The following EEF2K variants were observed in gnomAD, a reference collection of about 807,000 sequenced individuals.
EEF2K encodes the protein eukaryotic elongation factor 2 kinase.
In EEF2K, 70 loss-of-function variants were observed where a neutral mutation model predicts 93.8. The ratio of observed to expected loss-of-function variants is 0.75; its 90% CI spans 0.62 to 0.91. EEF2K has a LOEUF of 0.91. EEF2K is among the 40% of genes least tolerant of loss of function. The pLI, the probability that EEF2K is intolerant of heterozygous loss-of-function variation, is 0.00. For synonymous variants in EEF2K, 376 were observed against 380.8 expected (o/e 0.99, Z 0.15); for missense variants, 935 against 972.9 (o/e 0.96, Z 0.52).
At chr16:22,275,503 C>T (rs955970902) in intron 16 of EEF2K, among the ~76,000 whole-genome samples, 5 of 151,422 alleles carry the variant, frequency 3.3e-5, no homozygotes, top group Admixed American at 1.3e-4. Flanking sequence ...CCACTGTACC[C>T]GGCTAATTTT....
chr16:22,226,751 G>C (rs570524997), intron 2 of EEF2K, among the ~76,000 whole-genome samples: 1 of 151,794 alleles, frequency 6.6e-6, no homozygotes, highest in East Asian at 1.9e-4. Context: ...CCAGCCACTT[G>C]TTGTTAATTT....
intron 17 of EEF2K, 149 bp from the exon 18 acceptor site, chr16:22,283,738 C>G (rs376978743): frequency 8.3e-6 from 6 of 726,934 alleles, no homozygotes; most frequent in Non-Finnish European, 1.2e-5. Context: ...GAGCCCCGCC[C>G]GGAACACCTG....
At chr16:22,259,565 A>G (rs567392600) in intron 10 of EEF2K, among the ~76,000 whole-genome samples, 1 of 152,286 alleles carries the variant, frequency 6.6e-6, no homozygotes, top group Non-Finnish European at 1.5e-5. Flanking sequence ...GCTACCATAG[A>G]AAATATTAAG....
chr16:22,280,729 A>G (rs1205070723), intron 17 of EEF2K, among the ~76,000 whole-genome samples: 1 of 149,932 alleles, frequency 6.7e-6, no homozygotes, highest in Non-Finnish European at 1.5e-5. Flanking sequence ...CAACGGCATA[A>G]TCTTGGCTCA....
chr16:22,239,616 G>A (rs2047201051), intron 2 of EEF2K, among the ~76,000 whole-genome samples: 1 of 151,988 alleles, frequency 6.6e-6, no homozygotes, highest in African/African-American at 2.4e-5. Context: ...TTTGAGAACA[G>A]CCTGGGCAAC....
In EEF2K at chr16:22,283,934, G is replaced by A; in HGVS notation, c.2116G>A (p.Gly706Ser). 6.2e-7 allele frequency: 1 copy of A among 1,600,208 alleles called. No individual in the cohort carries two copies. Among genetic ancestry groups the A allele is most frequent in the Non-Finnish European group, 8.5e-7 (1 of 1,173,640 alleles). The change falls in exon 18 of 18, where the codon GGC (glycine) becomes AGC (serine). Residue 706 changes from glycine (G) to serine (S), a missense_variant. By Grantham distance (56) the Gly-to-Ser change is moderately conservative (BLOSUM62 0). Coordinates refer to ENST00000263026, the MANE Select transcript of EEF2K (RefSeq NM_013302.5). Reference sequence around the variant, plus strand: ...AGAGGCAGCGATGGAAGCCATGAAGGGCCGACTGGCCAACCAGTACTACCA... The same window carrying A: ...AGAGGCAGCGATGGAAGCCATGAAGAGCCGACTGGCCAACCAGTACTACCA... ...AAEAAMEAMK[G>S]RLANQYYQKA...
intron 2 of EEF2K, among the ~76,000 whole-genome samples, chr16:22,229,126 A>G (rs977087837): frequency 3.9e-5 from 6 of 152,022 alleles, no homozygotes; most frequent in Middle Eastern, 3.4e-3. Context: ...GCAACAGAGG[A>G]GACTCCATCT....
intron 1 of EEF2K, among the ~76,000 whole-genome samples, chr16:22,208,592 T>C (rs2046886211): frequency 6.6e-6 from 1 of 152,120 alleles, no homozygotes; most frequent in African/African-American, 2.4e-5. Flanking sequence ...ACAGTACTTT[T>C]TGGCTGATTA....
At chr16:22,209,637 A>AT (rs2046895975) in intron 1 of EEF2K, among the ~76,000 whole-genome samples, 1 of 152,204 alleles carries the variant, frequency 6.6e-6, no homozygotes, top group Non-Finnish European at 1.5e-5. Flanking sequence ...CTGACCTGAA[A>AT]GCTGCAGGTT....
At chr16:22,226,087 TC>T in intron 2 of EEF2K, 112 bp downstream of exon 2, 5 of 1,455,554 alleles carry the variant, frequency 3.4e-6, no homozygotes, top group South Asian at 2.7e-5. Flanking sequence ...TGGACAGTGC[TC>T]TAAACTCTGA....
chr16:22,224,584 C>T (rs928661315), intron 1 of EEF2K, among the ~76,000 whole-genome samples: 6 of 151,328 alleles, frequency 4.0e-5, no homozygotes, highest in African/African-American at 1.2e-4. Context: ...CCTAGGTGAG[C>T]TAGGATTGCA....
chr16:22,272,902 C>T (rs2047598049), intron 15 of EEF2K, among the ~76,000 whole-genome samples: 1 of 152,146 alleles, frequency 6.6e-6, no homozygotes, highest in African/African-American at 2.4e-5. Flanking sequence ...CCTCGAACTG[C>T]TGACCTCAGA....
chr16:22,218,391 G>A (rs1455949820), intron 1 of EEF2K, among the ~76,000 whole-genome samples: 1 of 152,234 alleles, frequency 6.6e-6, no homozygotes, highest in East Asian at 1.9e-4. Context: ...TGGTTCCCAG[G>A]AGTGGCGGTG....
intron 14 of EEF2K, 50 bp downstream of exon 14, chr16:22,266,574 C>T (rs2047521463): frequency 6.2e-7 from 1 of 1,607,092 alleles, no homozygotes; most frequent in African/African-American, 1.3e-5. Flanking sequence ...CCTGGAGCCC[C>T]CCAGCTCCAG....
At chr16:22,243,792 G>A (rs2141664425) in intron 2 of EEF2K, among the ~76,000 whole-genome samples, 1 of 151,320 alleles carries the variant, frequency 6.6e-6, no homozygotes, top group South Asian at 2.1e-4. Context: ...GTATAGTGGT[G>A]TGCACCTGTA....
chr16:22,260,550 G>C (rs375373332), intron 11 of EEF2K, 21 bp downstream of exon 11: 9 of 1,614,050 alleles, frequency 5.6e-6, no homozygotes, highest in Non-Finnish European at 6.8e-6. Flanking sequence ...AGGGAGGGAG[G>C]CTGCAGGCTT....
intron 1 of EEF2K, among the ~76,000 whole-genome samples, chr16:22,224,196 C>G (rs552468415): frequency 1.2e-4 from 19 of 152,186 alleles, no homozygotes; most frequent in African/African-American, 3.6e-4. Flanking sequence ...GACTCTGTCT[C>G]AAAGAAAAAC....
At chr16:22,279,836 A>T (rs2047675348) in intron 16 of EEF2K, among the ~76,000 whole-genome samples, 1 of 152,116 alleles carries the variant, frequency 6.6e-6, no homozygotes, top group Admixed American at 6.6e-5. Flanking sequence ...CTTTACTAAA[A>T]ATACAAAAAA....
intron 16 of EEF2K, 67 bp downstream of exon 16, chr16:22,273,817 T>C: frequency 1.3e-6 from 2 of 1,589,818 alleles, no homozygotes. Flanking sequence ...TTGTCCTCGG[T>C]ATCAGCACAG....
Sources: allele counts gnomAD v4.1 joint callset (sites outside exome capture counted in the v4.1 genomes callset), GRCh38; gene constraint gnomAD v4.1.1; transcripts MANE v1.5; gene names NCBI Gene and HGNC (gene_info 2026-07-23, HGNC 2026-07-21).